The following IQCM variants were observed in gnomAD, a reference collection of about 807,000 sequenced individuals.
The protein encoded by IQCM is IQ domain-containing protein M.
A neutral mutation model predicts 57.6 loss-of-function variants in IQCM; 45 were observed. The ratio of observed to expected loss-of-function variants is 0.78; its 90% CI spans 0.62 to 1.00. The LOEUF is 1.00. Among genes scored for constraint, IQCM ranks in the 50% least tolerant of loss-of-function variants. The pLI is 0.00. For synonymous variants in IQCM, 148 were observed against 158.9 expected, an observed-to-expected ratio of 0.93 and a Z score of 0.51; for missense variants, 468 against 511.6, an observed-to-expected ratio of 0.91 and a Z score of 0.82.
At chr4:149,657,190 G>A (rs1759712035) in intron 7 of IQCM, among the ~76,000 whole-genome samples, 1 of 151,966 alleles carries the variant, frequency 6.6e-6, no homozygotes, top group Non-Finnish European at 1.5e-5. Flanking sequence ...CCAATTTCTA[G>A]TAACCACTGT....
chr4:149,525,969 G>A (rs1746121081), intron 12 of IQCM, among the ~76,000 whole-genome samples: 1 of 151,758 alleles, frequency 6.6e-6, no homozygotes, highest in Non-Finnish European at 1.5e-5. Flanking sequence ...ACGTATATAT[G>A]AAGAGCAACT....
intron 5 of IQCM, among the ~76,000 whole-genome samples, chr4:149,731,491 G>A (rs1233017506): frequency 6.6e-6 from 1 of 152,170 alleles, no homozygotes; most frequent in East Asian, 1.9e-4. Context: ...TTTTGTTATA[G>A]CAGCAAGAAC....
chr4:149,587,301 T>C (rs1752730429), intron 9 of IQCM, among the ~76,000 whole-genome samples: 1 of 151,788 alleles, frequency 6.6e-6, no homozygotes, highest in South Asian at 2.1e-4. Flanking sequence ...TCAAATATTC[T>C]TTTTTTAGCT....
chr4:149,609,728 A>G (rs1317898675), intron 8 of IQCM, among the ~76,000 whole-genome samples: 1 of 151,926 alleles, frequency 6.6e-6, no homozygotes, highest in Non-Finnish European at 1.5e-5. Flanking sequence ...TATAGGGGGA[A>G]CATACCTCAA....
At chr4:149,471,137 A>G (rs920279190) in intron 12 of IQCM, among the ~76,000 whole-genome samples, 1 of 152,200 alleles carries the variant, frequency 6.6e-6, no homozygotes, top group African/African-American at 2.4e-5. Flanking sequence ...ACTGAAGGAG[A>G]TAGAGACCCA....
At chr4:149,498,359 G>A (rs150890537) in intron 12 of IQCM, among the ~76,000 whole-genome samples, 16 of 152,230 alleles carry the variant, frequency 1.1e-4, no homozygotes, top group African/African-American at 3.9e-4. Flanking sequence ...TGGTAGAAGA[G>A]GCAGGATCAA....
chr4:149,664,331 T>C (rs894074882), intron 7 of IQCM, among the ~76,000 whole-genome samples: 7 of 152,160 alleles, frequency 4.6e-5, no homozygotes, highest in African/African-American at 1.7e-4. Flanking sequence ...TATAGACTTA[T>C]TTGTTGCATT....
At chr4:149,596,359 C>T (rs1267430921) in intron 8 of IQCM, among the ~76,000 whole-genome samples, 1 of 152,072 alleles carries the variant, frequency 6.6e-6, no homozygotes, top group Non-Finnish European at 1.5e-5. Context: ...TCCATTCTGG[C>T]CAAACACTGA....
intron 13 of IQCM, among the ~76,000 whole-genome samples, chr4:149,413,084 G>T (rs568136832): frequency 6.6e-6 from 1 of 152,260 alleles, no homozygotes; most frequent in African/African-American, 2.4e-5. Context: ...GAACATGTAT[G>T]CACATTATAA....
At chr4:149,629,767 G>A (rs910346459) in intron 7 of IQCM, among the ~76,000 whole-genome samples, 2 of 152,072 alleles carry the variant, frequency 1.3e-5, no homozygotes, top group South Asian at 2.1e-4. Context: ...CAAAAGCAAG[G>A]TATGGAGAAA....
chr4:149,646,313 C>T (rs1316265554), intron 7 of IQCM, among the ~76,000 whole-genome samples: 1 of 151,832 alleles, frequency 6.6e-6, no homozygotes. Context: ...CTTTTAATAT[C>T]CTCTGAAATA....
chr4:149,571,193 C>T (rs1348474153), intron 9 of IQCM, among the ~76,000 whole-genome samples: 1 of 152,074 alleles, frequency 6.6e-6, no homozygotes, highest in African/African-American at 2.4e-5. Flanking sequence ...ACTGCACCAC[C>T]GTGCTCACTG....
intron 7 of IQCM, among the ~76,000 whole-genome samples, chr4:149,621,695 T>G (rs1302183423): frequency 6.6e-5 from 10 of 152,204 alleles, no homozygotes; most frequent in Admixed American, 6.5e-4. Flanking sequence ...TAAATTAAAT[T>G]ATTAAAAGTC....
At chr4:149,597,243 G>A (rs1753860946) in intron 8 of IQCM, among the ~76,000 whole-genome samples, 1 of 151,804 alleles carries the variant, frequency 6.6e-6, no homozygotes, top group African/African-American at 2.4e-5. Flanking sequence ...AACTATGAGG[G>A]ATAAAAAAAC....
intron 2 of IQCM, among the ~76,000 whole-genome samples, chr4:149,764,976 T>TGGGTCTGC: frequency 6.6e-6 from 1 of 152,208 alleles, no homozygotes; most frequent in Middle Eastern, 3.4e-3. Context: ...AGGTGATATT[T>TGGGTCTGC]GGGTCTGCCA....
chr4:149,365,455 T>C (rs1053587720), intron 13 of IQCM, among the ~76,000 whole-genome samples: 1 of 152,178 alleles, frequency 6.6e-6, no homozygotes, highest in Non-Finnish European at 1.5e-5. Flanking sequence ...GCTTTATAGA[T>C]ACCTCCACAT....
chr4:149,381,471 C>A (rs977021852), intron 13 of IQCM, among the ~76,000 whole-genome samples: 16 of 152,210 alleles, frequency 1.1e-4, no homozygotes, highest in Non-Finnish European at 2.1e-4. Flanking sequence ...TCATTGACTT[C>A]TTTCCAATTA....
At chr4:149,493,632 G>T (rs796327233) in intron 12 of IQCM, among the ~76,000 whole-genome samples, 4 of 152,100 alleles carry the variant, frequency 2.6e-5, no homozygotes, top group African/African-American at 9.6e-5. Context: ...AGAGAAGGAG[G>T]GGGATTCTAA....
intron 13 of IQCM, among the ~76,000 whole-genome samples, chr4:149,418,452 C>A (rs1018237799): frequency 1.3e-5 from 2 of 151,968 alleles, no homozygotes; most frequent in African/African-American, 4.8e-5. Context: ...TAATAAATAG[C>A]CTACCAAGGA....
Sources: gnomAD v4.1 joint callset for allele counts (sites outside exome capture counted in the v4.1 genomes callset) on GRCh38, gnomAD v4.1.1 for gene constraint, MANE v1.5 for transcripts, NCBI Gene and HGNC (gene_info 2026-07-23, HGNC 2026-07-21) for gene names.